Variants in NKAIN3 observed in about 807,000 individuals in gnomAD.
NKAIN3 encodes sodium/potassium-transporting ATPase subunit beta-1-interacting protein 3.
Under a neutral mutation model 30.2 loss-of-function variants are expected in NKAIN3, and 25 were observed. The ratio of observed to expected loss-of-function variants is 0.83; its 90% CI spans 0.60 to 1.16. The LOEUF (loss-of-function observed/expected upper bound fraction) is 1.16. Ranked by LOEUF, NKAIN3 falls within the 50% of genes most tolerant of loss-of-function variation. The probability of loss-of-function intolerance (pLI) is 0.00; values close to 1 mark genes in which losing one functional copy is unlikely to be tolerated. For missense variants in NKAIN3, 225 were observed against 254.1 expected, an observed-to-expected ratio of 0.89 and a Z score of 0.78; for synonymous variants, 91 against 89.6, an observed-to-expected ratio of 1.02 and a Z score of -0.09.
At chr8:62,441,447 T>C (rs1332644019) in intron 1 of NKAIN3, among the ~76,000 whole-genome samples, 1 of 151,970 alleles carries the variant, frequency 6.6e-6, no homozygotes, top group Non-Finnish European at 1.5e-5. Flanking sequence ...AGCTTGAAAA[T>C]CTAAAATATT....
In NKAIN3 at chr8:62,868,725, G is replaced by A. The variant is rs559693855; in HGVS notation, c.472-49728G>A. 5.9e-5 allele frequency among the ~76,000 whole-genome samples: 9 copies of A among 152,268 alleles called. No individual in the cohort carries two copies. In the South Asian group the frequency reaches 1.2e-3, roughly 21 times the overall value. ...TGAGGGAAAATTGCATGCATTCAAC[G>A]TTTATAAACCCTGATAAGCTCAGTT... On this transcript the variant is annotated intron_variant, in intron 4 of 6. Transcript: ENST00000623646.
At chr8:62,290,351 C>G (rs916688757) in intron 1 of NKAIN3, among the ~76,000 whole-genome samples, 102 of 152,118 alleles carry the variant, frequency 6.7e-4, no homozygotes, top group Non-Finnish European at 2.9e-4. Context: ...CCAGTTTTTG[C>G]CCATTCAGTA....
intron 6 of NKAIN3, among the ~76,000 whole-genome samples, chr8:62,962,092 A>G (rs1250145721): frequency 1.3e-5 from 2 of 152,188 alleles, no homozygotes; most frequent in African/African-American, 2.4e-5. Context: ...ATGCACATAC[A>G]TGTTTACTAC....
intron 1 of NKAIN3, among the ~76,000 whole-genome samples, chr8:62,398,916 C>T (rs1044949867): frequency 2.0e-5 from 3 of 152,068 alleles, no homozygotes; most frequent in Admixed American, 6.6e-5. Flanking sequence ...ATGGTGAAAC[C>T]GTGTCTCTAC....
chr8:62,844,140 A>C (rs1241117002), intron 4 of NKAIN3, among the ~76,000 whole-genome samples: 1 of 152,158 alleles, frequency 6.6e-6, no homozygotes, highest in African/African-American at 2.4e-5. Context: ...AAATGCCACA[A>C]ACATGCAGAT....
intron 1 of NKAIN3, among the ~76,000 whole-genome samples, chr8:62,498,136 G>T (rs73267344): frequency 0.023 from 3,515 of 152,134 alleles, 133 homozygotes; most frequent in African/African-American, 0.08. Context: ...ATAATATTTA[G>T]CCCAGATTGG....
At chr8:62,633,135 G>A (rs752170913) in intron 3 of NKAIN3, among the ~76,000 whole-genome samples, 4 of 152,132 alleles carry the variant, frequency 2.6e-5, no homozygotes, top group Non-Finnish European at 4.4e-5. Context: ...GTGATTGAGA[G>A]TTACTGAATC....
intron 1 of NKAIN3, among the ~76,000 whole-genome samples, chr8:62,344,496 G>C (rs1815862526): frequency 1.3e-5 from 2 of 151,968 alleles, no homozygotes; most frequent in South Asian, 4.1e-4. Flanking sequence ...TAGCTAGATA[G>C]CTTAATATTT....
intron 3 of NKAIN3, among the ~76,000 whole-genome samples, chr8:62,708,741 A>G (rs1048477862): frequency 6.6e-6 from 1 of 152,172 alleles, no homozygotes; most frequent in Non-Finnish European, 1.5e-5. Context: ...TGCTCTGGCT[A>G]GGACTTCCAG....
chr8:62,251,139 A>G (rs1372680504), intron 1 of NKAIN3, among the ~76,000 whole-genome samples: 1 of 152,114 alleles, frequency 6.6e-6, no homozygotes, highest in Non-Finnish European at 1.5e-5. Context: ...GACTTTTAAA[A>G]CTATCCTGTG....
chr8:62,502,116 G>T (rs573537560), intron 1 of NKAIN3, among the ~76,000 whole-genome samples: 9 of 152,234 alleles, frequency 5.9e-5, no homozygotes, highest in African/African-American at 2.2e-4. Flanking sequence ...TATATAATTT[G>T]CCAAGACAAT....
chr8:62,882,457 A>G (rs1821015321), intron 4 of NKAIN3, among the ~76,000 whole-genome samples: 1 of 152,100 alleles, frequency 6.6e-6, no homozygotes, highest in South Asian at 2.1e-4. Context: ...AGCTAGCATT[A>G]TAGGCATCCA....
chr8:62,389,263 A>T (rs1362258801), intron 1 of NKAIN3, among the ~76,000 whole-genome samples: 3 of 152,214 alleles, frequency 2.0e-5, no homozygotes, highest in Non-Finnish European at 4.4e-5. Flanking sequence ...ATACATGTAT[A>T]CATGGTGGAA....
chr8:62,985,886 ACTCTT>A, downstream of NKAIN3, among the ~76,000 whole-genome samples: 1 of 152,278 alleles, frequency 6.6e-6, no homozygotes, highest in East Asian at 1.9e-4. Context: ...TCCAGATTCT[ACTCTT>A]AGAGATGAAA....
At chr8:62,554,869 ACT>A (rs1458666200) in intron 1 of NKAIN3, among the ~76,000 whole-genome samples, 1 of 151,660 alleles carries the variant, frequency 6.6e-6, no homozygotes, top group East Asian at 1.9e-4. Flanking sequence ...ACCATCACTC[ACT>A]CTCTGTTTGT....
chr8:62,367,951 A>G (rs1002378897), intron 1 of NKAIN3, among the ~76,000 whole-genome samples: 1 of 152,248 alleles, frequency 6.6e-6, no homozygotes, highest in Admixed American at 6.5e-5. Context: ...ATAAAAAGAA[A>G]GTAAGAAAAC....
rs1258889469 is a variant in NKAIN3 at position 62,973,572 on chromosome 8, T to A, written c.*8165T>A. ...GTAGATTCTGGATATTAGCCCTTTGTCAGATGGATAGGTTGCAAAAATTTT... is the reference window on the plus strand; with the variant it reads ...GTAGATTCTGGATATTAGCCCTTTGACAGATGGATAGGTTGCAAAAATTTT... On this transcript the variant is annotated 3_prime_UTR_variant, in exon 7 of 7. Coordinates refer to ENST00000623646, the MANE Select transcript of NKAIN3 (RefSeq NM_001304533.3). Among the ~76,000 whole-genome samples the A allele has an allele frequency of 6.6e-6, 1 of 152,224 alleles. No individual in the cohort carries two copies. Among genetic ancestry groups the A allele is most frequent in the Non-Finnish European group, 1.5e-5 (1 of 68,038 alleles).
At chr8:62,549,171 G>C (rs1585933508) in intron 1 of NKAIN3, among the ~76,000 whole-genome samples, 1 of 152,146 alleles carries the variant, frequency 6.6e-6, no homozygotes, top group South Asian at 2.1e-4. Context: ...AAACTCACAG[G>C]GTCCTTAAGA....
chr8:62,997,497 A>T (rs1410821422), intron 5 of NKAIN3, among the ~76,000 whole-genome samples: 1 of 152,174 alleles, frequency 6.6e-6, no homozygotes, highest in Non-Finnish European at 1.5e-5. Flanking sequence ...AAAACAAATT[A>T]AGAGGATTTG....
Sources: gnomAD v4.1 joint callset for allele counts (sites outside exome capture counted in the v4.1 genomes callset) on GRCh38, gnomAD v4.1.1 for gene constraint, MANE v1.5 for transcripts, NCBI Gene and HGNC (gene_info 2026-07-23, HGNC 2026-07-21) for gene names.